The following TSNARE1 variants were observed in gnomAD, a reference collection of about 807,000 sequenced individuals.
TSNARE1 encodes t-SNARE domain-containing protein 1.
A neutral mutation model predicts 62.0 loss-of-function variants in TSNARE1; 49 were observed. That is an observed-to-expected ratio of 0.79 (90% CI 0.63 to 1.00). TSNARE1 has a LOEUF of 1.00. TSNARE1 is among the 50% of genes least tolerant of loss of function. The pLI is 0.00. For synonymous variants in TSNARE1, 328 were observed against 294.4 expected (o/e 1.11, Z -1.17); for missense variants, 755 against 700.1 (o/e 1.08, Z -0.88).
At chr8:142,322,901 C>T (rs1586799159) in intron 6 of TSNARE1, among the ~76,000 whole-genome samples, 1 of 136,690 alleles carries the variant, frequency 7.3e-6, no homozygotes, top group African/African-American at 2.8e-5. Context: ...CCAGCCTGGA[C>T]GTGTCCATGG....
intron 11 of TSNARE1, chr8:142,278,160 C>A (rs753292558): frequency 1.0e-6 from 1 of 985,186 alleles, no homozygotes; most frequent in Non-Finnish European, 1.2e-6. Context: ...AGTGCCCAGG[C>A]CCATCGCCCA....
chr8:142,400,506 C>T (rs1042021393), intron 1 of TSNARE1, among the ~76,000 whole-genome samples: 2 of 151,454 alleles, frequency 1.3e-5, no homozygotes, highest in East Asian at 1.9e-4. Context: ...TTTGGGAGGC[C>T]GAGGTGGGTG....
intron 11 of TSNARE1, among the ~76,000 whole-genome samples, chr8:142,283,033 A>G (rs943945277): frequency 1.4e-5 from 2 of 147,482 alleles, no homozygotes; most frequent in South Asian, 2.1e-4. Flanking sequence ...GTGTCTGCCA[A>G]TGAGCAGAGG....
At chr8:142,279,062 T>A (rs1820968126) in intron 11 of TSNARE1, among the ~76,000 whole-genome samples, 2 of 152,216 alleles carry the variant, frequency 1.3e-5, no homozygotes, top group South Asian at 4.1e-4. Flanking sequence ...AGCTGTACGC[T>A]GGGGCTCTGG....
chr8:142,278,665 CT>C (rs1179498674), intron 11 of TSNARE1: 1 of 985,334 alleles, frequency 1.0e-6, no homozygotes, highest in Non-Finnish European at 1.2e-6. Flanking sequence ...CAGCTGCGGG[CT>C]GCAGACGAGG....
intron 1 of TSNARE1, among the ~76,000 whole-genome samples, chr8:142,379,998 G>A (rs914167203): frequency 6.6e-6 from 1 of 152,226 alleles, no homozygotes; most frequent in Admixed American, 6.5e-5. Context: ...ACACTGGAGG[G>A]AGAGGGCAGG....
intron 1 of TSNARE1, among the ~76,000 whole-genome samples, chr8:142,390,901 G>A (rs1837466998): frequency 9.4e-6 from 1 of 106,678 alleles, no homozygotes; most frequent in Non-Finnish European, 1.9e-5. Flanking sequence ...TGTAACAGAC[G>A]CTGTACACTG....
intron 12 of TSNARE1, among the ~76,000 whole-genome samples, chr8:142,267,698 G>A (rs1451913830): frequency 6.6e-6 from 1 of 152,172 alleles, no homozygotes; most frequent in African/African-American, 2.4e-5. Flanking sequence ...CACCTTGGAA[G>A]GCCCTGCAGG....
intron 12 of TSNARE1, among the ~76,000 whole-genome samples, chr8:142,237,566 A>T (rs1046618491): frequency 6.6e-6 from 1 of 152,168 alleles, no homozygotes; most frequent in Non-Finnish European, 1.5e-5. Context: ...TTATCAATCG[A>T]ACATTTTGAC....
At chr8:142,342,486 C>G (rs1832718148) in intron 4 of TSNARE1, among the ~76,000 whole-genome samples, 1 of 152,182 alleles carries the variant, frequency 6.6e-6, no homozygotes, top group South Asian at 2.1e-4. Context: ...GCCCAGTGCT[C>G]TAGGGACCCA....
At chr8:142,273,707 G>A (rs970594470) in intron 12 of TSNARE1, 25 of 985,284 alleles carry the variant, frequency 2.5e-5, no homozygotes, top group Non-Finnish European at 6.0e-6. Flanking sequence ...CACAGTGGGG[G>A]TGCCCGGGCT....
In TSNARE1 at chr8:142,365,633, C is replaced by CACACAGAG. The variant is rs60883386; in HGVS notation, c.-39-10871_-39-10870insCTCTGTGT. 1.8e-3 allele frequency among the ~76,000 whole-genome samples: 243 copies of CACACAGAG among 138,648 alleles called. 1 individual carries two copies. The highest frequency in any genetic ancestry group is 5.7e-3 in the African/African-American group (205 of 35,890). 91.0% of individuals were successfully genotyped at this position (138,648 alleles called of 152,430 possible). ...ACACACACACACACACACACACACA[C>CACACAGAG]AGAGAGAGAGAGGGGAACAAAGAAT... On this transcript the variant is annotated intron_variant, in intron 1 of 13. Transcript: ENST00000524325.
chr8:142,367,041 C>A (rs1267507239), intron 1 of TSNARE1, among the ~76,000 whole-genome samples: 3 of 150,384 alleles, frequency 2.0e-5, no homozygotes, highest in South Asian at 2.1e-4. Flanking sequence ...ATATAGTATA[C>A]CTAGGAATAA....
At chr8:142,261,784 C>T (rs72687339) in intron 12 of TSNARE1, among the ~76,000 whole-genome samples, 25,410 of 152,210 alleles carry the variant, frequency 0.17, 2,418 homozygotes, top group Middle Eastern at 0.25. Flanking sequence ...AGGCTGCCCT[C>T]GCTATACCCA....
chr8:142,257,286 G>C (rs1818631092), intron 12 of TSNARE1, among the ~76,000 whole-genome samples: 1 of 152,198 alleles, frequency 6.6e-6, no homozygotes. Context: ...AAAGATGGAG[G>C]GGCAGATTGG....
chr8:142,375,232 G>C (rs1836242484), intron 1 of TSNARE1, among the ~76,000 whole-genome samples: 1 of 152,256 alleles, frequency 6.6e-6, no homozygotes. Flanking sequence ...CAGTCTCCCA[G>C]CTGCTCCCGG....
At chr8:142,356,879 C>T (rs1448060732) in intron 1 of TSNARE1, among the ~76,000 whole-genome samples, 1 of 152,032 alleles carries the variant, frequency 6.6e-6, no homozygotes, top group East Asian at 1.9e-4. Flanking sequence ...CTGTACTGCC[C>T]TCAAAGGAAC....
chr8:142,246,839 T>C (rs544550971), intron 12 of TSNARE1, among the ~76,000 whole-genome samples: 1 of 152,302 alleles, frequency 6.6e-6, no homozygotes, highest in East Asian at 1.9e-4. Flanking sequence ...CACCAACCTG[T>C]GTTAGCACCT....
intron 13 of TSNARE1, among the ~76,000 whole-genome samples, chr8:142,222,113 TCCAC>T (rs1816303810): frequency 1.8e-5 from 2 of 109,728 alleles, no homozygotes; most frequent in East Asian, 3.1e-4. Flanking sequence ...CACTCACTCA[TCCAC>T]TCATTCACTC....
Sources: allele counts gnomAD v4.1 joint callset (sites outside exome capture counted in the v4.1 genomes callset), GRCh38; gene constraint gnomAD v4.1.1; transcripts MANE v1.5; gene names NCBI Gene and HGNC (gene_info 2026-07-23, HGNC 2026-07-21).